FCSK: variants seen among roughly 807,000 people sequenced by gnomAD.
The protein encoded by FCSK is fucose kinase.
FCSK carries 123 observed loss-of-function variants against 122.5 expected under a neutral mutation model. That is an observed-to-expected ratio of 1.00 (90% confidence interval 0.87 to 1.17). The LOEUF is 1.17. Among genes scored for constraint, FCSK ranks in the 50% most tolerant of loss-of-function variants. FCSK has a pLI of 0.00. For missense variants in FCSK, 1,366 were observed against 1,450.4 expected (o/e 0.94, Z 0.95); for synonymous variants, 620 against 625.5 (o/e 0.99, Z 0.13).
At chr16:70,461,848 C>T (rs1361143478) in intron 1 of FCSK, among the ~76,000 whole-genome samples, 2 of 152,314 alleles carry the variant, frequency 1.3e-5, no homozygotes, top group African/African-American at 4.8e-5. Context: ...ACATGCTGAC[C>T]ACGTGACCCA....
chr16:70,479,725 TC>T lies in FCSK; in HGVS notation c.*50del. ...CAGGAGAAAACCTGGAGCTACAGTG[TC>T]CCCCACCTTCCTTGCCCCATGGGAA... On this transcript the variant is annotated 3_prime_UTR_variant, in exon 24 of 24. Coordinates refer to ENST00000288078, the MANE Select transcript of FCSK (RefSeq NM_145059.3). The T allele has an allele frequency of 6.8e-7, 1 of 1,479,304 alleles. No homozygotes were observed. The highest frequency in any genetic ancestry group is 9.4e-7 in the Non-Finnish European group (1 of 1,067,026). The allele number at this position is 1,479,304 out of a possible 1,614,324, so 91.6% of individuals were successfully genotyped here.
At chr16:70,470,904 T>C (rs2048591495) in intron 11 of FCSK, 67 bp from the exon 12 acceptor site, 2 of 1,413,240 alleles carry the variant, frequency 1.4e-6, no homozygotes, top group Middle Eastern at 2.5e-4. Flanking sequence ...GATGCTTGGC[T>C]TGGGAGGAGA....
intron 4 of FCSK, among the ~76,000 whole-genome samples, 190 bp from the exon 5 acceptor site, chr16:70,465,942 G>C (rs2048404998): frequency 6.6e-6 from 1 of 152,118 alleles, no homozygotes; most frequent in South Asian, 2.1e-4. Flanking sequence ...AACAGAGCAA[G>C]ACTTAGTCTA....
chr16:70,479,845 AGGACTGTGACCTGGT>A lies in FCSK; in HGVS notation c.*170_*184del, dbSNP rs1215076942. The A allele has an allele frequency of 1.7e-6, 1 of 587,948 alleles. No homozygotes were observed. Among genetic ancestry groups the A allele is most frequent in the Non-Finnish European group, 3.0e-6 (1 of 331,710 alleles). The allele number at this position is 587,948 out of a possible 1,614,324, so 36.4% of individuals were successfully genotyped here. A position where few individuals can be genotyped will look rare whatever the true frequency, so the allele number is the denominator to read the frequency against. ...TGGGCAAGCAGAGAGTGCCTGGGACAGGACTGTGACCTGGTGGACAGGGGCCTAGATGTAGCCTCT... is the reference window on the plus strand; with the variant it reads ...TGGGCAAGCAGAGAGTGCCTGGGACAGGACAGGGGCCTAGATGTAGCCTCT... On this transcript the variant is annotated 3_prime_UTR_variant, in exon 24 of 24. Transcript: ENST00000288078.
At chr16:70,475,274 G>C in intron 18 of FCSK, 76 bp from the exon 19 acceptor site, 10 of 1,546,794 alleles carry the variant, frequency 6.5e-6, no homozygotes, top group Non-Finnish European at 7.0e-6. Context: ...GCACTGGGCT[G>C]GGAAGTCCAG....
intron 5 of FCSK, 156 bp downstream of exon 5, chr16:70,466,413 C>T (rs1036493592): frequency 1.1e-6 from 1 of 919,376 alleles, no homozygotes; most frequent in Non-Finnish European, 1.6e-6. Flanking sequence ...TTAGTTGTGT[C>T]TGGGGGCAGT....
rs573107166 is a variant in FCSK at position 70,473,665 on chromosome 16, G to A, written c.1777+312G>A. Among the ~76,000 whole-genome samples the A allele has an allele frequency of 6.6e-5, 10 of 152,288 alleles. No individual in the cohort carries two copies. Among genetic ancestry groups the A allele is most frequent in the African/African-American group, 1.9e-4 (8 of 41,568 alleles). ...GGGTGCCAGGATGTGGGTGCAGAGCGTGGCGAGGGGACAGAGCCCCCAGGG... is the reference window on the plus strand; with the variant it reads ...GGGTGCCAGGATGTGGGTGCAGAGCATGGCGAGGGGACAGAGCCCCCAGGG... On this transcript the variant is annotated intron_variant, in intron 15 of 23. Coordinates refer to ENST00000288078, the MANE Select transcript of FCSK (RefSeq NM_145059.3). The surrounding 1 kb of genome is among the most constrained non-coding windows in gnomAD (Gnocchi z 4.9).
chr16:70,470,705 C>T (rs1006172412), intron 11 of FCSK, among the ~76,000 whole-genome samples: 3 of 152,162 alleles, frequency 2.0e-5, no homozygotes, highest in African/African-American at 7.2e-5. Flanking sequence ...AGTGGTGGGC[C>T]TGGGTCAGTG....
chr16:70,465,240 G>GAACACCCCT, intron 4 of FCSK, 64 bp downstream of exon 4: 1 of 1,463,362 alleles, frequency 6.8e-7, no homozygotes, highest in Non-Finnish European at 9.4e-7. Flanking sequence ...GAGTTGAGCA[G>GAACACCCCT]GACTTCAGGG....
At chr16:70,465,256 C>A in intron 4 of FCSK, 80 bp downstream of exon 4, 1 of 1,365,738 alleles carries the variant, frequency 7.3e-7, no homozygotes, top group South Asian at 1.3e-5. Context: ...CAGGGGTGTT[C>A]TGCCACTGTG....
intron 4 of FCSK, 89 bp from the exon 5 acceptor site, chr16:70,466,043 T>G: frequency 7.3e-7 from 1 of 1,364,242 alleles, no homozygotes; most frequent in Non-Finnish European, 1.0e-6. Flanking sequence ...TTATCAGCCC[T>G]CCACTGGATG....
rs775584717 is a variant in FCSK, at chr16:70,466,166, C to A, written c.320C>A (p.Ala107Asp). The change falls in exon 5 of 24, where the codon GCT becomes GAT. Residue 107 changes from alanine to aspartate, a missense_variant. Coordinates refer to ENST00000288078, the MANE Select transcript of FCSK (RefSeq NM_145059.3). ...TTCCCCTTTGATGACTGTGGCAGGG[C>A]TTTCACCTGCCTCCCCGTGGAGAAC... is the stretch of plus-strand genomic sequence containing the variant. The part of the protein sequence containing the change: ...RDFPFDDCGR[A>D]FTCLPVENPE... The A allele has an allele frequency of 5.0e-6, 8 of 1,613,684 alleles. No individual in the cohort carries two copies. In the Admixed American group the frequency reaches 5.0e-5, roughly 10 times the overall value.
intron 21 of FCSK, 37 bp downstream of exon 21, chr16:70,478,496 G>A (rs1207991215): frequency 1.2e-6 from 2 of 1,612,658 alleles, no homozygotes; most frequent in East Asian, 2.2e-5. Context: ...GGCAGGCAGG[G>A]GGCCTGCCAG....
At chr16:70,459,446 G>A (rs1361986644) in intron 1 of FCSK, among the ~76,000 whole-genome samples, 2 of 152,006 alleles carry the variant, frequency 1.3e-5, no homozygotes, top group Non-Finnish European at 2.9e-5. Context: ...CTGAGGCAGG[G>A]AGAATTGCTT....
chr16:70,476,912 C>T (rs1006761784), intron 20 of FCSK, among the ~76,000 whole-genome samples: 8 of 152,206 alleles, frequency 5.3e-5, no homozygotes, highest in Admixed American at 2.6e-4. Context: ...AATGGGGTCC[C>T]TGCCCTCAAA....
chr16:70,479,507 G>A, intron 23 of FCSK, 72 bp from the exon 24 acceptor site: 1 of 1,507,242 alleles, frequency 6.6e-7, no homozygotes, highest in Non-Finnish European at 9.1e-7. Context: ...CCCTGGTCCT[G>A]CAGGCCCAGT....
At chr16:70,478,763 C>G in intron 22 of FCSK, 113 bp downstream of exon 22, 1 of 873,974 alleles carries the variant, frequency 1.1e-6, no homozygotes, top group Non-Finnish European at 1.9e-6. Flanking sequence ...TATTCGGCCT[C>G]TGGGAACAGA....
Position 70,466,204 on chromosome 16 carries a change from G to T in FCSK, c.358G>T (p.Val120Leu). The change falls in exon 5 of 24, where the codon GTG (valine) becomes TTG (leucine). Residue 120 changes from valine (V) to leucine (L), a missense_variant. Val to Leu is a conservative substitution (Grantham distance 32). Coordinates refer to ENST00000288078, the MANE Select transcript of FCSK (RefSeq NM_145059.3). The stretch of plus-strand genomic sequence containing the variant: ...CCCCGTGGAGAACCCCGAGGCCCCC[G>T]TGGAAGCCTTGGTCTGCAACCTGGA... Reference protein sequence around the residue: ...CLPVENPEAPVEALVCNLDCL... With the variant: ...CLPVENPEAPLEALVCNLDCL... 6.2e-7 allele frequency: 1 copy of T among 1,613,926 alleles called. No individual in the cohort carries two copies. The highest frequency in any genetic ancestry group is 1.1e-5 in the South Asian group (1 of 91,082).
At chr16:70,475,605 G>T (rs1431846257) in intron 19 of FCSK, 43 bp from the exon 20 acceptor site, 5 of 1,575,062 alleles carry the variant, frequency 3.2e-6, no homozygotes, top group African/African-American at 1.3e-5. Flanking sequence ...GCCTGGGCAG[G>T]GTGGAGGTGT....
Sources: allele counts gnomAD v4.1 joint callset (sites outside exome capture counted in the v4.1 genomes callset), GRCh38; gene constraint gnomAD v4.1.1; non-coding constraint Gnocchi (gnomAD v3.1); transcripts MANE v1.5; gene names NCBI Gene and HGNC (gene_info 2026-07-23, HGNC 2026-07-21).